The following PCDHGB3 variants were observed in gnomAD, a reference collection of about 807,000 sequenced individuals.
The protein encoded by PCDHGB3 is protocadherin gamma subfamily B, 3, also known as protocadherin gamma-B3.
PCDHGB3 carries 40 observed loss-of-function variants against 59.2 expected under a neutral mutation model. That is an observed-to-expected ratio of 0.68 (90% CI 0.52 to 0.88). The LOEUF is 0.88. PCDHGB3 is among the 40% of genes least tolerant of loss of function. PCDHGB3 has a pLI of 0.00. For synonymous variants in PCDHGB3, 581 were observed against 503.6 expected (o/e 1.15, Z -2.06); for missense variants, 1,309 against 1,187.9 (o/e 1.10, Z -1.50).
chr5:141,393,108 A>G (rs1318511234), intron 1 of PCDHGB3: 6 of 1,613,438 alleles, frequency 3.7e-6, no homozygotes, highest in Non-Finnish European at 5.1e-6. Context: ...CTGCGCTCAG[A>G]GCCCGCGGTG....
chr5:141,383,124 C>G (rs1245604127), intron 1 of PCDHGB3: 3 of 1,613,930 alleles, frequency 1.9e-6, no homozygotes, highest in Non-Finnish European at 2.5e-6. Context: ...CGCAGCTTTT[C>G]GCCCTGAACC....
chr5:141,439,773 C>G (rs1323463060), intron 1 of PCDHGB3: 2 of 152,344 alleles, frequency 1.3e-5, no homozygotes, highest in East Asian at 3.9e-4. Flanking sequence ...TCCTTCTTGG[C>G]TGGAGATTCT....
At chr5:141,402,487 A>G (rs1239262921) in intron 1 of PCDHGB3, among the ~76,000 whole-genome samples, 1 of 152,226 alleles carries the variant, frequency 6.6e-6, no homozygotes, top group Non-Finnish European at 1.5e-5. Flanking sequence ...AAGTTCTACC[A>G]AGAATAAGAA....
intron 3 of PCDHGB3, among the ~76,000 whole-genome samples, chr5:141,509,815 TCTC>T (rs1596250992): frequency 6.6e-6 from 1 of 152,226 alleles, no homozygotes; most frequent in East Asian, 1.9e-4. Flanking sequence ...GCCGAGCTCT[TCTC>T]CATCTTCTCT....
At chr5:141,479,241 G>A (rs2099490987) in intron 1 of PCDHGB3, 1 of 152,174 alleles carries the variant, frequency 6.6e-6, no homozygotes, top group Non-Finnish European at 1.5e-5. Context: ...CAAACCCAAA[G>A]ATAACCATTT....
At chr5:141,389,578 TG>T (rs1314978831) in intron 1 of PCDHGB3, 1 of 1,613,236 alleles carries the variant, frequency 6.2e-7, no homozygotes, top group South Asian at 1.1e-5. Context: ...TACCCCGCGC[TG>T]GGTCCCGACG....
At chr5:141,403,972 A>G in intron 1 of PCDHGB3, 1 of 1,613,968 alleles carries the variant, frequency 6.2e-7, no homozygotes, top group East Asian at 2.2e-5. Flanking sequence ...TGGAAGATGT[A>G]AATGACAATA....
intron 1 of PCDHGB3, chr5:141,394,299 C>G: frequency 6.2e-7 from 1 of 1,614,002 alleles, no homozygotes; most frequent in Middle Eastern, 1.6e-4. Context: ...CGAGGACACG[C>G]TGCAGGGGGC....
chr5:141,408,824 C>T, intron 1 of PCDHGB3: 1 of 1,613,560 alleles, frequency 6.2e-7, no homozygotes, highest in South Asian at 1.1e-5. Context: ...ACAGAGATCT[C>T]ATAGCTTGAT....
intron 1 of PCDHGB3, chr5:141,417,617 A>G (rs576281946): frequency 9.3e-6 from 6 of 646,206 alleles, no homozygotes; most frequent in African/African-American, 1.8e-5. Flanking sequence ...GCCAGTGCAG[A>G]GCAAGCGCTG....
intron 1 of PCDHGB3, among the ~76,000 whole-genome samples, chr5:141,436,998 A>T (rs985067199): frequency 6.6e-6 from 1 of 152,242 alleles, no homozygotes; most frequent in African/African-American, 2.4e-5. Context: ...GTTTACTTCA[A>T]TGGGATCTTA....
intron 1 of PCDHGB3, chr5:141,383,999 C>A: frequency 1.2e-6 from 2 of 1,613,800 alleles, no homozygotes; most frequent in Non-Finnish European, 1.7e-6. Context: ...ACAGTCATTG[C>A]TCTTTTCTAC....
intron 1 of PCDHGB3, among the ~76,000 whole-genome samples, chr5:141,406,925 G>A (rs1003832711): frequency 2.0e-5 from 3 of 152,268 alleles, no homozygotes; most frequent in African/African-American, 7.2e-5. Flanking sequence ...AGAGAATAAT[G>A]TATTATTTAA....
chr5:141,411,568 AG>A (rs2095500132), intron 1 of PCDHGB3: 1 of 152,232 alleles, frequency 6.6e-6, no homozygotes, highest in South Asian at 2.1e-4. Context: ...TGGGCGACAG[AG>A]TGCGACCCTG....
Position 141,432,072 on chromosome 5 carries a change from T to C in PCDHGB3, c.2415+59263T>C, listed in dbSNP as rs1236871982. The C allele has an allele frequency of 6.2e-7, 1 of 1,614,178 alleles. No homozygotes were observed. The highest frequency in any genetic ancestry group is 8.5e-7 in the Non-Finnish European group (1 of 1,180,032). On this transcript the variant is annotated intron_variant, in intron 1 of 3. Coordinates refer to ENST00000576222, the MANE Select transcript of PCDHGB3 (RefSeq NM_018924.5). This position sits in a 1 kb window ranked among gnomAD's most constrained non-coding sequence, Gnocchi z 6.0. ...CCGCCCCTATCCACGGAAACTCATA[T>C]CTCGCTGAACGTGGCAGACACCAAC...
chr5:141,501,897 C>T (rs796164763), intron 2 of PCDHGB3, among the ~76,000 whole-genome samples: 17 of 152,230 alleles, frequency 1.1e-4, no homozygotes, highest in African/African-American at 3.4e-4. Flanking sequence ...ATCATGGTTC[C>T]AACCCCACTG....
chr5:141,437,765 G>C (rs1561886251), intron 1 of PCDHGB3, among the ~76,000 whole-genome samples: 1 of 148,074 alleles, frequency 6.8e-6, no homozygotes, highest in African/African-American at 2.5e-5. Flanking sequence ...TTGAGACAGA[G>C]TCTCAATCTG....
chr5:141,430,639 A>T, intron 1 of PCDHGB3: 1 of 900,712 alleles, frequency 1.1e-6, no homozygotes. Flanking sequence ...CATCCCTGGG[A>T]GTATGTGGAA....
chr5:141,433,406 TTA>T (rs2097606059), intron 1 of PCDHGB3, among the ~76,000 whole-genome samples: 1 of 149,982 alleles, frequency 6.7e-6, no homozygotes. Flanking sequence ...TATCTATCTA[TTA>T]CTTTCTTGTA....
Sources: allele counts gnomAD v4.1 joint callset (sites outside exome capture counted in the v4.1 genomes callset), GRCh38; gene constraint gnomAD v4.1.1; non-coding constraint Gnocchi (gnomAD v3.1); transcripts MANE v1.5; gene names NCBI Gene and HGNC (gene_info 2026-07-23, HGNC 2026-07-21).